PDE6B: variants seen among roughly 807,000 people sequenced by gnomAD.
PDE6B encodes the protein phosphodiesterase 6B.
A neutral mutation model predicts 109.0 loss-of-function variants in PDE6B; 106 were observed. The ratio of observed to expected loss-of-function variants is 0.97; its 90% CI spans 0.83 to 1.14. PDE6B has a LOEUF of 1.14. Among genes scored for constraint, PDE6B ranks in the 50% most tolerant of loss-of-function variants. The pLI, the probability that PDE6B is intolerant of heterozygous loss-of-function variation, is 0.00. For synonymous variants in PDE6B, 490 were observed against 471.3 expected (o/e 1.04, Z -0.51); for missense variants, 1,193 against 1,155.6 (o/e 1.03, Z -0.47).
At chr4:630,184 A>AAG (rs1281177110) in intron 1 of PDE6B, among the ~76,000 whole-genome samples, 1 of 152,072 alleles carries the variant, frequency 6.6e-6, no homozygotes, top group Non-Finnish European at 1.5e-5. Flanking sequence ...TGCATTTCAC[A>AAG]ATGGGTGGGG....
At chr4:654,779 G>A (rs1227342203) in intron 5 of PDE6B, 45 bp from the exon 6 acceptor site, 2 of 998,648 alleles carry the variant, frequency 2.0e-6, no homozygotes, top group Non-Finnish European at 3.2e-6. Flanking sequence ...GAGCCCCTCA[G>A]AGCTTGGCCA....
At position 633,438 on chromosome 4, in the gene PDE6B, C is replaced by T. The variant is rs1385848713; in HGVS notation, c.469-1239C>T. Among the ~76,000 whole-genome samples the T allele has an allele frequency of 2.0e-5, 3 of 152,068 alleles. No individual in the cohort carries two copies. Among genetic ancestry groups the T allele is most frequent in the South Asian group, 2.1e-4 (1 of 4,824 alleles). ...GAAGGGTGGGTGCCATTTAGGAGCA[C>T]GCTAGCACCTCGGCCAGCCCCCAGC... On this transcript the variant is annotated intron_variant, in intron 1 of 21. Coordinates refer to ENST00000496514, the MANE Select transcript of PDE6B (RefSeq NM_000283.4). This position sits in a 1 kb window ranked among gnomAD's most constrained non-coding sequence, Gnocchi z 4.5.
At chr4:627,479 A>G (rs1466908082) in intron 1 of PDE6B, among the ~76,000 whole-genome samples, 1 of 152,098 alleles carries the variant, frequency 6.6e-6, no homozygotes. Flanking sequence ...AATGGCAGTA[A>G]GCAAGCAGCA....
chr4:660,168 G>T (rs1026636301), intron 11 of PDE6B, among the ~76,000 whole-genome samples: 2 of 152,220 alleles, frequency 1.3e-5, no homozygotes, highest in African/African-American at 2.4e-5. Flanking sequence ...CCGTGTGTGT[G>T]TGTGTTTCTT....
intron 6 of PDE6B, chr4:655,575 G>T: frequency 2.5e-6 from 1 of 393,898 alleles, no homozygotes; most frequent in Non-Finnish European, 4.8e-6. Context: ...CGGCAGCCTG[G>T]GGAGGAGGAA....
intron 3 of PDE6B, among the ~76,000 whole-genome samples, chr4:651,264 G>A (rs1304480702): frequency 6.7e-6 from 1 of 148,504 alleles, no homozygotes; most frequent in African/African-American, 2.4e-5. Flanking sequence ...CTGAGGCGGC[G>A]ATGTCAACAG....
Position 659,726 on chromosome 4 carries a change from ATG to A in PDE6B, c.1467+718_1467+719del, listed in dbSNP as rs201759029. ...TGTGTGTGTGCCCGTGTGTGCACCC[ATG>A]TGTGTGTGCTCACATGTGCACAGGG... On this transcript the variant is annotated intron_variant, in intron 11 of 21. Coordinates refer to ENST00000496514, the MANE Select transcript of PDE6B (RefSeq NM_000283.4). Among the ~76,000 whole-genome samples, 863 of 146,066 alleles carry A rather than the reference ATG, an allele frequency of 5.9e-3. 8 individuals carry two copies. Among genetic ancestry groups the A allele is most frequent in the African/African-American group, 0.02 (792 of 39,168 alleles).
chr4:663,961 GGGGGACGCAGCCC>G lies in PDE6B; in HGVS notation c.2021+92_2021+104del. On this transcript the variant is annotated intron_variant, in intron 16 of 21. Transcript: ENST00000496514. This position sits in a 1 kb window ranked among gnomAD's most constrained non-coding sequence, Gnocchi z 4.0. ...CGGGGGCGCAGCGGCGGCACAGCCC[GGGGGACGCAGCCC>G]CGGATTCCGTCCCTGCCCGCCGGCC... 2 of 1,112,428 alleles carry G rather than the reference GGGGGACGCAGCCC, an allele frequency of 1.8e-6. No homozygotes were observed. The allele number at this position is 1,112,428 out of a possible 1,614,324, so 68.9% of individuals were successfully genotyped here. A position where few individuals can be genotyped will look rare whatever the true frequency, so the allele number is the denominator to read the frequency against.
At position 670,534 on chromosome 4, in the gene PDE6B, G is replaced by A. The variant is rs540509628; in HGVS notation, c.*427G>A. The A allele has an allele frequency of 4.7e-5, 10 of 212,862 alleles. No individual in the cohort carries two copies. Among genetic ancestry groups the A allele is most frequent in the Non-Finnish European group, 8.7e-5 (9 of 103,640 alleles). The allele number at this position is 212,862 out of a possible 1,614,324, so 13.2% of individuals were successfully genotyped here. The stretch of plus-strand genomic sequence containing the variant: ...TGGGATTACAGGCATGAGCCACCAC[G>A]CCCAGCCTGTTTTTATAAACTGAAG... On this transcript the variant is annotated 3_prime_UTR_variant, in exon 22 of 22. Transcript: ENST00000496514.
Position 665,348 on chromosome 4 carries a change from AC to A in PDE6B, c.2268+21del. ...GCCCATTGTGAGTGCTGCTTCTGGA[AC>A]CTTCCACTCCTGAAACGGGTGTTAG... On this transcript the variant is annotated intron_variant, in intron 19 of 21. Coordinates refer to ENST00000496514, the MANE Select transcript of PDE6B (RefSeq NM_000283.4). The surrounding 1 kb of genome is among the most constrained non-coding windows in gnomAD (Gnocchi z 4.0). The A allele has an allele frequency of 1.9e-6, 3 of 1,566,330 alleles. No homozygotes were observed. Among genetic ancestry groups the A allele is most frequent in the Non-Finnish European group, 2.6e-6 (3 of 1,137,600 alleles).
chr4:668,580 A>C (rs1171814539), intron 21 of PDE6B, among the ~76,000 whole-genome samples: 1 of 60,352 alleles, frequency 1.7e-5, no homozygotes, highest in African/African-American at 9.2e-5. Context: ...TGCTAGTACC[A>C]CTACCCCATG....
At chr4:638,874 G>T (rs1267199002) in intron 3 of PDE6B, among the ~76,000 whole-genome samples, 1 of 152,168 alleles carries the variant, frequency 6.6e-6, no homozygotes, top group Non-Finnish European at 1.5e-5. Context: ...ACTCACACAG[G>T]AAACTTGTTC....
intron 1 of PDE6B, among the ~76,000 whole-genome samples, chr4:628,000 A>T (rs1734199927): frequency 6.6e-6 from 1 of 151,726 alleles, no homozygotes; most frequent in Admixed American, 6.6e-5. Context: ...CCATGGCCGC[A>T]CCTGCCCCAG....
chr4:668,236 G>C (rs977369531), intron 21 of PDE6B, among the ~76,000 whole-genome samples: 5 of 151,910 alleles, frequency 3.3e-5, no homozygotes, highest in African/African-American at 4.8e-5. Context: ...TTCCTAGCCA[G>C]TGAACCCCAT....
chr4:657,626 A>T (rs112810432), intron 10 of PDE6B, 132 bp downstream of exon 10: 11 of 792,854 alleles, frequency 1.4e-5, no homozygotes, highest in East Asian at 3.0e-5. Flanking sequence ...CCCAGGGGTC[A>T]CGGCTGTGCG....
chr4:656,745 C>T, intron 8 of PDE6B, 129 bp from the exon 9 acceptor site: 2 of 777,018 alleles, frequency 2.6e-6, no homozygotes, highest in Admixed American at 2.0e-5. Flanking sequence ...ATGCAGAGAG[C>T]AGAGACAGGA....
rs1737197321 is a variant in PDE6B, at chr4:662,281, C to G, written c.1722+40C>G. 8.4e-7 allele frequency: 1 copy of G among 1,189,272 alleles called. No individual in the cohort carries two copies. Among genetic ancestry groups the G allele is most frequent in the African/African-American group, 1.5e-5 (1 of 66,044 alleles). 73.7% of individuals were successfully genotyped at this position (1,189,272 alleles called of 1,614,324 possible). A position where few individuals can be genotyped will look rare whatever the true frequency, so the allele number is the denominator to read the frequency against. On this transcript the variant is annotated intron_variant, in intron 13 of 21. Transcript: ENST00000496514. This position sits in a 1 kb window ranked among gnomAD's most constrained non-coding sequence, Gnocchi z 4.3. The stretch of plus-strand genomic sequence containing the variant: ...GAATCACCAGGGTTGTGCAGGCCCT[C>G]CTGGTACCAAGGGCAGCACTCAAGC...
Position 634,757 on chromosome 4 carries a change from C to T in PDE6B, c.549C>T (p.Gly183=). ...KNMLATPIMN[G]KDVVAVIMAV... ...TGCTGGCCACACCCATCATGAATGG[C>T]AAAGACGTCGTGGCGGTGATCATGG... Residue 183 remains glycine (G), a synonymous_variant, in exon 2 of 22, where the codon GGC becomes GGT. Transcript: ENST00000496514. 3 of 1,613,370 alleles carry T rather than the reference C, an allele frequency of 1.9e-6. No homozygotes were observed. The highest frequency in any genetic ancestry group is 2.5e-6 in the Non-Finnish European group (3 of 1,179,300).
chr4:646,654 T>A (rs886971307), intron 3 of PDE6B, among the ~76,000 whole-genome samples: 4 of 152,026 alleles, frequency 2.6e-5, no homozygotes, highest in Admixed American at 2.6e-4. Flanking sequence ...CCTCTGCGTT[T>A]CTGTGTTCGC....
Sources: gnomAD v4.1 joint callset for allele counts (sites outside exome capture counted in the v4.1 genomes callset) on GRCh38, gnomAD v4.1.1 for gene constraint, Gnocchi (gnomAD v3.1) non-coding constraint, MANE v1.5 for transcripts, NCBI Gene and HGNC (gene_info 2026-07-23, HGNC 2026-07-21) for gene names.